The following PDE1C variants were observed in gnomAD, a reference collection of about 807,000 sequenced individuals.
The protein encoded by PDE1C is dual specificity calcium/calmodulin-dependent 3',5'-cyclic nucleotide phosphodiesterase 1C.
A neutral mutation model predicts 93.1 loss-of-function variants in PDE1C; 62 were observed. That is an observed-to-expected ratio of 0.67 (90% CI 0.54 to 0.82). The LOEUF is 0.82. Among genes scored for constraint, PDE1C ranks in the 40% least tolerant of loss-of-function variants. PDE1C has a pLI of 0.00. For missense variants in PDE1C, 742 were observed against 884.6 expected, an observed-to-expected ratio of 0.84 and a Z score of 2.04; for synonymous variants, 325 against 310.1, an observed-to-expected ratio of 1.05 and a Z score of -0.50.
intron 1 of PDE1C, among the ~76,000 whole-genome samples, chr7:32,378,361 C>G (rs1784470342): frequency 6.6e-6 from 1 of 152,162 alleles, no homozygotes; most frequent in Middle Eastern, 3.2e-3. Flanking sequence ...CCCCCTCTTG[C>G]TTTTAGCCTT....
At chr7:31,678,761 C>G in the PDE1C span, among the ~76,000 whole-genome samples, 1 of 152,264 alleles carries the variant, frequency 6.6e-6, no homozygotes, top group Non-Finnish European at 1.5e-5. Context: ...GCCCAGTTCT[C>G]TATGACTTCA....
chr7:32,184,510 G>A (rs1313285065), intron 2 of PDE1C, among the ~76,000 whole-genome samples: 1 of 152,196 alleles, frequency 6.6e-6, no homozygotes, highest in Non-Finnish European at 1.5e-5. Flanking sequence ...GGGACATGAT[G>A]AAGCTGGAAA....
the PDE1C span, among the ~76,000 whole-genome samples, chr7:31,678,147 G>A: frequency 1.9e-4 from 29 of 152,156 alleles, no homozygotes; most frequent in African/African-American, 6.7e-4. Flanking sequence ...AGCTCATAAA[G>A]GGGTGACATC....
At chr7:31,661,223 G>C in the PDE1C span, among the ~76,000 whole-genome samples, 1 of 152,038 alleles carries the variant, frequency 6.6e-6, no homozygotes, top group African/African-American at 2.4e-5. Flanking sequence ...ATAAGCCACT[G>C]TAGTTTATAT....
In PDE1C at chr7:31,959,401, A is replaced by G. The variant is rs144311631; in HGVS notation, c.129-78541T>C. Among the ~76,000 whole-genome samples the G allele has an allele frequency of 2.0e-3, 305 of 152,216 alleles. 1 individual carries two copies. Among genetic ancestry groups the G allele is most frequent in the Middle Eastern group, 3.4e-3 (1 of 294 alleles). On this transcript the variant is annotated intron_variant, in intron 2 of 17. Transcript: ENST00000396191. ...CTAATTTTTGTAGTTTTTAGTAGAG[A>G]AAAGGCTTCACTATGATGGCCAGGC... is the stretch of plus-strand genomic sequence containing the variant.
chr7:32,052,346 C>G (rs1793502017), intron 1 of PDE1C: 1 of 475,284 alleles, frequency 2.1e-6, no homozygotes, highest in East Asian at 5.9e-5. Flanking sequence ...GTAACATCTG[C>G]TCTGACCATC....
chr7:32,142,779 T>C (rs73102602), intron 3 of PDE1C, among the ~76,000 whole-genome samples: 2 of 151,972 alleles, frequency 1.3e-5, no homozygotes, highest in Non-Finnish European at 2.9e-5. Flanking sequence ...AAAGAAGAGA[T>C]GCTCGAGCTG....
At chr7:31,966,056 A>T (rs377039087) in intron 2 of PDE1C, among the ~76,000 whole-genome samples, 5 of 152,208 alleles carry the variant, frequency 3.3e-5, no homozygotes, top group East Asian at 3.8e-4. Context: ...TCAACTAACG[A>T]GCAAAATGAC....
chr7:31,882,247 G>A (rs1007410405), intron 2 of PDE1C, among the ~76,000 whole-genome samples: 9 of 152,176 alleles, frequency 5.9e-5, no homozygotes, highest in African/African-American at 1.9e-4. Context: ...AAGGAAATCA[G>A]CAGAGGCCCC....
chr7:32,027,756 T>C lies in PDE1C; in HGVS notation c.128+23798A>G, dbSNP rs1403619075. On this transcript the variant is annotated intron_variant, in intron 2 of 17. Coordinates refer to ENST00000396191, the MANE Select transcript of PDE1C (RefSeq NM_001191057.4). ...CAAATGACTGCAAAAAAAAAAACTT[T>C]TAAAAAAATCTGCTGTCTATTAGGC... Among the ~76,000 whole-genome samples the C allele has an allele frequency of 2.0e-5, 3 of 151,924 alleles. No individual in the cohort carries two copies. The East Asian group carries it at 5.8e-4, about 29-fold the overall frequency.
chr7:31,682,902 T>C, the PDE1C span, among the ~76,000 whole-genome samples: 1 of 152,210 alleles, frequency 6.6e-6, no homozygotes, highest in Admixed American at 6.5e-5. Flanking sequence ...ACTGTATGAT[T>C]TAATTTATAT....
the PDE1C span, among the ~76,000 whole-genome samples, chr7:31,640,514 C>A: frequency 9.2e-5 from 14 of 152,236 alleles, no homozygotes; most frequent in Admixed American, 7.2e-4. Context: ...CTGGGTTCCC[C>A]CTTCTCATGC....
intron 16 of PDE1C, chr7:31,785,566 C>T (rs1783839546): frequency 6.6e-6 from 1 of 152,166 alleles, no homozygotes; most frequent in Non-Finnish European, 1.5e-5. Flanking sequence ...TCATCCACTG[C>T]ACAATCGTTC....
chr7:32,378,883 C>T (rs1203762553), intron 1 of PDE1C, among the ~76,000 whole-genome samples: 1 of 152,206 alleles, frequency 6.6e-6, no homozygotes. Flanking sequence ...TCACTGGCCT[C>T]GCATCAATTA....
chr7:32,195,485 A>G (rs1020074926), intron 2 of PDE1C, among the ~76,000 whole-genome samples: 1 of 152,066 alleles, frequency 6.6e-6, no homozygotes, highest in Non-Finnish European at 1.5e-5. Context: ...TTCTCATTCA[A>G]ATTGTGTTTT....
At chr7:31,860,498 G>A (rs566760276) in intron 7 of PDE1C, among the ~76,000 whole-genome samples, 25 of 152,166 alleles carry the variant, frequency 1.6e-4, no homozygotes, top group African/African-American at 5.5e-4. Flanking sequence ...ACTAATGAAT[G>A]GTGCATCTTT....
At chr7:32,106,723 T>A (rs1226063599) in intron 3 of PDE1C, among the ~76,000 whole-genome samples, 2 of 152,168 alleles carry the variant, frequency 1.3e-5, no homozygotes, top group Non-Finnish European at 2.9e-5. Context: ...GAATTAGGCC[T>A]TAGAATTAGA....
chr7:32,135,456 G>A (rs1369642119), intron 3 of PDE1C, among the ~76,000 whole-genome samples: 2 of 152,038 alleles, frequency 1.3e-5, no homozygotes, highest in Non-Finnish European at 2.9e-5. Context: ...TGTTCAAATG[G>A]CAAAGGACCT....
chr7:31,793,653 A>G (rs944499170), intron 16 of PDE1C, among the ~76,000 whole-genome samples: 8 of 150,446 alleles, frequency 5.3e-5, no homozygotes, highest in African/African-American at 1.2e-4. Flanking sequence ...TAAGACTTCT[A>G]TTGGGCATAT....
Sources: allele counts gnomAD v4.1 joint callset (sites outside exome capture counted in the v4.1 genomes callset), GRCh38; gene constraint gnomAD v4.1.1; transcripts MANE v1.5; gene names NCBI Gene and HGNC (gene_info 2026-07-23, HGNC 2026-07-21).